OPCML: variants seen among roughly 807,000 people sequenced by gnomAD.
The protein encoded by OPCML is opioid-binding protein/cell adhesion molecule.
A neutral mutation model predicts 37.8 loss-of-function variants in OPCML; 13 were observed. The observed-to-expected ratio is 0.34, with a 90% CI of 0.22 to 0.55. The LOEUF (loss-of-function observed/expected upper bound fraction) is 0.55, where lower values mean the gene tolerates loss of function less well. OPCML is among the 20% of genes least tolerant of loss of function. OPCML has a pLI of 0.91. For synonymous variants in OPCML, 176 were observed against 168.8 expected, an observed-to-expected ratio of 1.04 and a Z score of -0.33; for missense variants, 341 against 435.6, an observed-to-expected ratio of 0.78 and a Z score of 1.93.
chr11:132,899,932 C>T (rs1943989177), intron 2 of OPCML, among the ~76,000 whole-genome samples: 1 of 152,118 alleles, frequency 6.6e-6, no homozygotes, highest in Non-Finnish European at 1.5e-5. Flanking sequence ...CCACTCCCAC[C>T]CCAGGATCTC....
At chr11:132,882,834 A>T (rs963478154) in intron 2 of OPCML, among the ~76,000 whole-genome samples, 1 of 152,214 alleles carries the variant, frequency 6.6e-6, no homozygotes, top group African/African-American at 2.4e-5. Context: ...CCAAGAGGAG[A>T]AAATATTTTA....
chr11:133,459,622 G>A (rs1176605168), intron 1 of OPCML, among the ~76,000 whole-genome samples: 1 of 152,000 alleles, frequency 6.6e-6, no homozygotes, highest in Non-Finnish European at 1.5e-5. Flanking sequence ...GTCAAAAACT[G>A]TTACAAGAGA....
At chr11:132,443,742 T>C (rs2096044628) in intron 4 of OPCML, among the ~76,000 whole-genome samples, 1 of 152,222 alleles carries the variant, frequency 6.6e-6, no homozygotes, top group African/African-American at 2.4e-5. Flanking sequence ...GATAAGGCTG[T>C]CTGAAACCAC....
chr11:132,978,055 A>G (rs377080037), intron 1 of OPCML, among the ~76,000 whole-genome samples: 11 of 152,246 alleles, frequency 7.2e-5, no homozygotes, highest in African/African-American at 2.4e-4. Context: ...GAATGGAGGA[A>G]TGGTGTTGAG....
Position 133,059,107 on chromosome 11 carries a change from G to A in OPCML, c.62-116097C>T, listed in dbSNP as rs116110204. On this transcript the variant is annotated intron_variant, in intron 1 of 7. Coordinates refer to ENST00000524381, the MANE Select transcript of OPCML (RefSeq NM_001012393.5). ...TTCCAGCAGGCTGACTCCATGGTCC[G>A]AACATTGATTTTGTGTGTTATCATT... 7.2e-3 allele frequency among the ~76,000 whole-genome samples: 1,098 copies of A among 152,318 alleles called. 23 individuals are homozygous for A. The highest frequency in any genetic ancestry group is 0.026 in the African/African-American group (1,064 of 41,574).
At chr11:132,594,307 T>A (rs2096489168) in intron 3 of OPCML, among the ~76,000 whole-genome samples, 1 of 152,190 alleles carries the variant, frequency 6.6e-6, no homozygotes, top group Admixed American at 6.5e-5. Flanking sequence ...ACAATATTTT[T>A]AAATAATAAC....
chr11:133,129,223 C>T (rs1189479000), intron 1 of OPCML, among the ~76,000 whole-genome samples: 1 of 152,052 alleles, frequency 6.6e-6, no homozygotes, highest in African/African-American at 2.4e-5. Context: ...CTTCAGAGAT[C>T]TACAAAGAAC....
At chr11:133,373,424 A>AAAATATAT (rs376543665) in intron 1 of OPCML, among the ~76,000 whole-genome samples, 7 of 117,742 alleles carry the variant, frequency 5.9e-5, no homozygotes, top group South Asian at 2.6e-4. Context: ...ACTTAATTAA[A>AAAATATAT]ATATATATAT....
chr11:132,534,165 A>C (rs1468939423), intron 3 of OPCML, among the ~76,000 whole-genome samples: 1 of 152,026 alleles, frequency 6.6e-6, no homozygotes, highest in Non-Finnish European at 1.5e-5. Flanking sequence ...CTCAGTTTTA[A>C]TGTCACGTCC....
rs76721764 is a variant in OPCML at position 132,710,519 on chromosome 11, C to T, written c.147-53200G>A. On this transcript the variant is annotated intron_variant, in intron 2 of 7. Transcript: ENST00000524381. Reference sequence around the variant, plus strand: ...ATGAAAACAATTAGTTGAACAATTGCCTATTAGTTGTCAAATGGTGAGCTT... The same window carrying T: ...ATGAAAACAATTAGTTGAACAATTGTCTATTAGTTGTCAAATGGTGAGCTT... Among the ~76,000 whole-genome samples the T allele has an allele frequency of 5.3e-3, 802 of 152,134 alleles. 4 individuals carry two copies. The highest frequency in any genetic ancestry group is 0.017 in the African/African-American group (707 of 41,502).
chr11:132,826,253 T>C (rs922687853), intron 2 of OPCML, among the ~76,000 whole-genome samples: 1 of 152,244 alleles, frequency 6.6e-6, no homozygotes, highest in African/African-American at 2.4e-5. Context: ...AAGCTCCTGT[T>C]GGCTTGGAAA....
intron 3 of OPCML, among the ~76,000 whole-genome samples, chr11:132,595,867 G>A (rs570488777): frequency 2.0e-5 from 3 of 152,336 alleles, no homozygotes; most frequent in South Asian, 4.1e-4. Context: ...GGTTGGATCA[G>A]CTAAGAGCCA....
Position 133,393,470 on chromosome 11 carries a change from G to A in OPCML, c.61+138794C>T, listed in dbSNP as rs576031971. Among the ~76,000 whole-genome samples the A allele has an allele frequency of 2.6e-5, 4 of 152,298 alleles. No homozygotes were observed. In the East Asian group the frequency reaches 7.7e-4, roughly 29 times the overall value. On this transcript the variant is annotated intron_variant, in intron 1 of 7. Coordinates refer to ENST00000524381, the MANE Select transcript of OPCML (RefSeq NM_001012393.5). ...TCACCCCAGAGAATGCCTGGCTACA[G>A]CTTACCATCTTTGGTAGCTGTATGG...
chr11:133,255,373 C>T (rs1322095917), intron 1 of OPCML, among the ~76,000 whole-genome samples: 3 of 151,954 alleles, frequency 2.0e-5, no homozygotes, highest in Non-Finnish European at 2.9e-5. Flanking sequence ...CACTTCCAGT[C>T]GAGGTGTTAT....
chr11:133,203,257 G>A (rs1303087174), intron 1 of OPCML, among the ~76,000 whole-genome samples: 1 of 152,202 alleles, frequency 6.6e-6, no homozygotes, highest in Admixed American at 6.5e-5. Context: ...ATCTGAAACC[G>A]GGATAATAAC....
chr11:133,361,597 A>G (rs148550486), intron 1 of OPCML: 11,523 of 161,182 alleles, frequency 0.071, 502 homozygotes, highest in Admixed American at 0.14. Context: ...ATTCCGGGGC[A>G]CCTGCAGCTA....
chr11:133,167,024 T>G (rs999859768), intron 1 of OPCML, among the ~76,000 whole-genome samples: 3 of 152,218 alleles, frequency 2.0e-5, no homozygotes, highest in South Asian at 2.1e-4. Flanking sequence ...CAATGAAATA[T>G]CAGTGCCTAG....
chr11:132,994,254 C>G (rs762405203), intron 1 of OPCML, among the ~76,000 whole-genome samples: 29 of 152,216 alleles, frequency 1.9e-4, no homozygotes, highest in Non-Finnish European at 3.8e-4. Flanking sequence ...GGGAGCACGT[C>G]CGGGGCTTTT....
intron 1 of OPCML, among the ~76,000 whole-genome samples, chr11:132,953,903 T>C (rs753134477): frequency 1.3e-4 from 20 of 152,192 alleles, no homozygotes; most frequent in Non-Finnish European, 2.9e-4. Flanking sequence ...GCAGAGAGCT[T>C]GGCATATAGG....
Sources: gnomAD v4.1 joint callset for allele counts (sites outside exome capture counted in the v4.1 genomes callset) on GRCh38, gnomAD v4.1.1 for gene constraint, MANE v1.5 for transcripts, NCBI Gene and HGNC (gene_info 2026-07-23, HGNC 2026-07-21) for gene names.